MEX3C: variants seen among roughly 807,000 people sequenced by gnomAD.
MEX3C encodes the protein mex-3 RNA binding family member C.
A neutral mutation model predicts 35.5 loss-of-function variants in MEX3C; 15 were observed. The ratio of observed to expected loss-of-function variants is 0.42; its 90% CI spans 0.28 to 0.65. MEX3C has a LOEUF of 0.65. Ranked by LOEUF, MEX3C falls within the 30% of genes least tolerant of loss-of-function variation. The pLI, the probability that MEX3C is intolerant of heterozygous loss-of-function variation, is 0.20. For missense variants in MEX3C, 711 were observed against 842.8 expected (o/e 0.84, Z 1.94); for synonymous variants, 390 against 352.8 (o/e 1.11, Z -1.18).
intron 1 of MEX3C, among the ~76,000 whole-genome samples, chr18:51,188,935 A>G (rs1912597796): frequency 6.6e-6 from 1 of 152,336 alleles, no homozygotes; most frequent in African/African-American, 2.4e-5. Context: ...GATCTTCTAC[A>G]ATATCCTTGC....
intron 1 of MEX3C, among the ~76,000 whole-genome samples, chr18:51,179,331 T>A (rs1467331355): frequency 6.6e-6 from 1 of 152,146 alleles, no homozygotes; most frequent in Admixed American, 6.5e-5. Flanking sequence ...CATGACCTGA[T>A]CACTTTTTTG....
chr18:51,183,218 C>T (rs914606201), intron 1 of MEX3C, among the ~76,000 whole-genome samples: 21 of 152,186 alleles, frequency 1.4e-4, no homozygotes, highest in Admixed American at 6.5e-5. Context: ...ATTTTCTAGC[C>T]ACCAGCAACA....
chr18:51,186,874 G>C (rs927149142), intron 1 of MEX3C, among the ~76,000 whole-genome samples: 3 of 152,160 alleles, frequency 2.0e-5, no homozygotes, highest in Non-Finnish European at 4.4e-5. Flanking sequence ...CAAATACAAG[G>C]TGACTAAAGA....
In MEX3C at chr18:51,176,828, A is replaced by G. The variant is rs777986547; in HGVS notation, c.1503T>C (p.Ser501=). The stretch of plus-strand genomic sequence containing the variant: ...AGATAGTTTGAGCAGATGTTGGTAA[A>G]GAGTCAAAGGCAGGAGAGTCAACTG... ...DLAVDSPAFD[S]LPTSAQTIWT... Residue 501 remains serine (S), a synonymous_variant, in exon 2 of 2, where the codon TCT becomes TCC. Coordinates refer to ENST00000406189, the MANE Select transcript of MEX3C (RefSeq NM_016626.5). 1.2e-6 allele frequency: 2 copies of G among 1,613,982 alleles called. No individual in the cohort carries two copies. The highest frequency in any genetic ancestry group is 3.3e-5 in the Admixed American group (2 of 60,020).
At chr18:51,184,755 G>A (rs951325949) in intron 1 of MEX3C, among the ~76,000 whole-genome samples, 3 of 152,094 alleles carry the variant, frequency 2.0e-5, no homozygotes, top group Admixed American at 2.0e-4. Flanking sequence ...CTACTTGGGA[G>A]GCTGAGGTTG....
At chr18:51,186,779 ACT>A (rs1491070479) in intron 1 of MEX3C, among the ~76,000 whole-genome samples, 1 of 128,704 alleles carries the variant, frequency 7.8e-6, no homozygotes, top group Non-Finnish European at 1.9e-5. Flanking sequence ...AACATCAAGT[ACT>A]TGTGTTGTAG....
At position 51,197,637 on chromosome 18, in the gene MEX3C, G is replaced by GGC. The variant is rs1434484586; in HGVS notation, c.-319_-318dup. 1.3e-5 allele frequency among the ~76,000 whole-genome samples: 2 copies of GGC among 151,780 alleles called. No homozygotes were observed. Among genetic ancestry groups the GGC allele is most frequent in the African/African-American group, 4.8e-5 (2 of 41,324 alleles). On this transcript the variant is annotated 5_prime_UTR_variant, in exon 1 of 2. Transcript: ENST00000406189. ...TGTTTCATGGCCTTAACCAGCCCCC[G>GGC]GCGCGCGCGGCGGCGGCGGCTACGC...
At position 51,197,287 on chromosome 18, in the gene MEX3C, C is replaced by A; in HGVS notation, c.34G>T (p.Ala12Ser). 1 of 701,342 alleles carries A rather than the reference C, an allele frequency of 1.4e-6. No homozygotes were observed. Among genetic ancestry groups the A allele is most frequent in the Non-Finnish European group, 1.7e-6 (1 of 573,206 alleles). 43.4% of individuals were successfully genotyped at this position (701,342 alleles called of 1,614,324 possible). Residue 12 changes from alanine (A) to serine (S), a missense_variant, in exon 1 of 2, where the codon GCG becomes TCG. Ala to Ser is a moderately conservative substitution (Grantham distance 99, BLOSUM62 1). This residue lies in a region of MEX3C where 354 missense variants were observed against 311.6 expected (regional missense o/e 1.14). Transcript: ENST00000406189. ...TGCGGCAGGGGGGCCGGGGCCGCCG[C>A]CAGGGCCAGGGCCGCGGAGCTGCCG... ...PSGSSAALALAAAPAPLPQPP... is the reference protein window; with the variant it reads ...PSGSSAALALSAAPAPLPQPP...
chr18:51,196,908 C>T lies in MEX3C; in HGVS notation c.413G>A (p.Arg138Gln). ...CGGCGACAGCAGCAGCAGCGACGACCGGTCCTCCTCCTCTGCTTCCTCCAG... is the reference window on the plus strand; with the variant it reads ...CGGCGACAGCAGCAGCAGCGACGACTGGTCCTCCTCCTCTGCTTCCTCCAG... Reference protein sequence around the residue: ...EELEEAEEEDRSSLLLLSPPA... With the variant: ...EELEEAEEEDQSSLLLLSPPA... Residue 138 changes from arginine (R) to glutamine (Q), a missense_variant, in exon 1 of 2, where the codon CGG (arginine) becomes CAG (glutamine). Physicochemically the swap from Arg to Gln is conservative, Grantham distance 43. Transcript: ENST00000406189. 1 of 1,542,896 alleles carries T rather than the reference C, an allele frequency of 6.5e-7. No individual in the cohort carries two copies. Among genetic ancestry groups the T allele is most frequent in the Non-Finnish European group, 8.7e-7 (1 of 1,145,958 alleles).
At chr18:51,194,596 G>A (rs1912732257) in intron 1 of MEX3C, 1 of 152,124 alleles carries the variant, frequency 6.6e-6, no homozygotes, top group Non-Finnish European at 1.5e-5. Context: ...CTATAATGAA[G>A]GACTAAAGTT....
At chr18:51,185,052 T>G (rs1241207147) in intron 1 of MEX3C, among the ~76,000 whole-genome samples, 1 of 152,206 alleles carries the variant, frequency 6.6e-6, no homozygotes, top group African/African-American at 2.4e-5. Context: ...TGACAAAAAT[T>G]TATTGTTTTT....
Position 51,197,208 on chromosome 18 carries a change from C to T in MEX3C, c.113G>A (p.Gly38Asp). The change falls in exon 1 of 2, where the codon GGC becomes GAC. Residue 38 changes from glycine (G) to aspartate (D), a missense_variant. Physicochemically the swap from Gly to Asp is moderately conservative, Grantham distance 94. This residue lies in a region of MEX3C where 354 missense variants were observed against 311.6 expected (regional missense o/e 1.14). Transcript: ENST00000406189. ...PPPPLPPPSGGPELEGDGLLL... is the reference protein window; with the variant it reads ...PPPPLPPPSGDPELEGDGLLL... Reference sequence around the variant, plus strand: ...GAGCCCGTCCCCCTCGAGCTCCGGGCCGCCCGAGGGCGGCGGCAGAGGCGG... The same window carrying T: ...GAGCCCGTCCCCCTCGAGCTCCGGGTCGCCCGAGGGCGGCGGCAGAGGCGG... The T allele has an allele frequency of 9.9e-7, 1 of 1,012,314 alleles. No homozygotes were observed. Among genetic ancestry groups the T allele is most frequent in the Non-Finnish European group, 1.2e-6 (1 of 850,228 alleles). 62.7% of individuals were successfully genotyped at this position (1,012,314 alleles called of 1,614,324 possible).
Position 51,196,957 on chromosome 18 carries a change from C to G in MEX3C, c.364G>C (p.Gly122Arg). 6.5e-7 allele frequency: 1 copy of G among 1,543,182 alleles called. No homozygotes were observed. Among genetic ancestry groups the G allele is most frequent in the Non-Finnish European group, 8.7e-7 (1 of 1,145,582 alleles). The change falls in exon 1 of 2, where the codon GGA becomes CGA. Residue 122 changes from glycine (G) to arginine (R), a missense_variant. Gly to Arg is a moderately radical substitution (Grantham distance 125). Coordinates refer to ENST00000406189, the MANE Select transcript of MEX3C (RefSeq NM_016626.5). ...EEEGEEAELD[G>R]DLLEEEELEE... Reference sequence around the variant, plus strand: ...AGCTCCTCCTCCTCCAGCAGGTCTCCGTCCAGCTCCGCTTCCTCCCCCTCC... The same window carrying G: ...AGCTCCTCCTCCTCCAGCAGGTCTCGGTCCAGCTCCGCTTCCTCCCCCTCC...
chr18:51,177,144 C>G lies in MEX3C; in HGVS notation c.1187G>C (p.Gly396Ala). 6.2e-7 allele frequency: 1 copy of G among 1,613,888 alleles called. No homozygotes were observed. Among genetic ancestry groups the G allele is most frequent in the Non-Finnish European group, 8.5e-7 (1 of 1,179,884 alleles). Reference protein sequence around the residue: ...EIEMHIAMRTGNYIELNEEND... With the variant: ...EIEMHIAMRTANYIELNEEND... The stretch of plus-strand genomic sequence containing the variant: ...CTCTTCATTGAGCTCTATATAGTTT[C>G]CTGTACGCATGGCAATATGCATTTC... The change falls in exon 2 of 2, where the codon GGA becomes GCA. Residue 396 changes from glycine (G) to alanine (A), a missense_variant. Physicochemically the swap from Gly to Ala is moderately conservative, Grantham distance 60. This residue lies in a region of MEX3C where 187 missense variants were observed against 201.7 expected (regional missense o/e 0.93). Coordinates refer to ENST00000406189, the MANE Select transcript of MEX3C (RefSeq NM_016626.5). The surrounding 1 kb of genome is among the most constrained non-coding windows in gnomAD (Gnocchi z 4.2).
chr18:51,184,946 T>A (rs1912507035), intron 1 of MEX3C, among the ~76,000 whole-genome samples: 1 of 152,234 alleles, frequency 6.6e-6, no homozygotes, highest in Non-Finnish European at 1.5e-5. Context: ...TTGCCAATAG[T>A]TCAATTAAAG....
rs1599260041 is a variant in MEX3C, at chr18:51,196,883, C to G, written c.438G>C (p.Pro146=). The part of the protein sequence containing the change: ...EDRSSLLLLS[P]PAATASQTQQ... ...GGGTCTGAGAGGCGGTGGCCGCGGG[C>G]GGCGACAGCAGCAGCAGCGACGACC... The change falls in exon 1 of 2, where the codon CCG becomes CCC. Residue 146 remains proline, a synonymous_variant. Transcript: ENST00000406189. The G allele has an allele frequency of 6.5e-7, 1 of 1,540,198 alleles. No individual in the cohort carries two copies. The highest frequency in any genetic ancestry group is 1.7e-4 in the Middle Eastern group (1 of 5,726).
At chr18:51,179,473 AT>A (rs1387275324) in intron 1 of MEX3C, among the ~76,000 whole-genome samples, 1 of 152,208 alleles carries the variant, frequency 6.6e-6, no homozygotes, top group Non-Finnish European at 1.5e-5. Flanking sequence ...GAGTATTTGC[AT>A]CATACCTGCC....
rs1023723876 is a variant in MEX3C, at chr18:51,196,940, C to T, written c.381G>A (p.Glu127=). The part of the protein sequence containing the change: ...EAELDGDLLE[E]EELEEAEEED... ...CCTCCTCTGCTTCCTCCAGCTCCTC[C>T]TCCTCCAGCAGGTCTCCGTCCAGCT... is the stretch of plus-strand genomic sequence containing the variant. The change falls in exon 1 of 2, where the codon GAG becomes GAA. Residue 127 remains glutamate (E), a synonymous_variant. Transcript: ENST00000406189. The T allele has an allele frequency of 6.5e-5, 101 of 1,544,262 alleles. No homozygotes were observed. Among genetic ancestry groups the T allele is most frequent in the Non-Finnish European group, 8.6e-5 (99 of 1,145,954 alleles).
intron 1 of MEX3C, chr18:51,193,100 TATTA>T (rs895897521): frequency 6.6e-6 from 1 of 152,186 alleles, no homozygotes; most frequent in Admixed American, 6.5e-5. Context: ...CAGTGTAAAG[TATTA>T]ATTGTTAATA....
Sources: allele counts gnomAD v4.1 joint callset (sites outside exome capture counted in the v4.1 genomes callset), GRCh38; gene constraint gnomAD v4.1.1; regional missense constraint gnomAD v4.1.1; non-coding constraint Gnocchi (gnomAD v3.1); transcripts MANE v1.5; gene names NCBI Gene and HGNC (gene_info 2026-07-23, HGNC 2026-07-21).